The following ANO4 variants were observed in gnomAD, a reference collection of about 807,000 sequenced individuals.
ANO4 encodes anoctamin-4.
Under a neutral mutation model 141.9 loss-of-function variants are expected in ANO4, and 69 were observed. The ratio of observed to expected loss-of-function variants is 0.49; its 90% confidence interval spans 0.40 to 0.59. The LOEUF (loss-of-function observed/expected upper bound fraction) is 0.59. ANO4 is among the 20% of genes least tolerant of loss of function. The pLI is 0.00. For missense variants in ANO4, 894 were observed against 1,162.2 expected (o/e 0.77, Z 3.36); for synonymous variants, 350 against 394.3 (o/e 0.89, Z 1.33).
At chr12:101,093,209 T>G (rs547026282) in intron 17 of ANO4, among the ~76,000 whole-genome samples, 1 of 152,338 alleles carries the variant, frequency 6.6e-6, no homozygotes, top group South Asian at 2.1e-4. Context: ...GCTGAAAGTT[T>G]GGAGTCATAC....
At chr12:101,003,923 T>G (rs2045761448) in intron 8 of ANO4, among the ~76,000 whole-genome samples, 1 of 152,098 alleles carries the variant, frequency 6.6e-6, no homozygotes, top group South Asian at 2.1e-4. Flanking sequence ...CACTTGAAAC[T>G]GGAATATTTG....
chr12:100,718,664 T>A (rs1593222185), intron 1 of ANO4, among the ~76,000 whole-genome samples: 1 of 152,212 alleles, frequency 6.6e-6, no homozygotes, highest in East Asian at 1.9e-4. Flanking sequence ...TGGGAACCAG[T>A]AACAAATTGT....
intron 14 of ANO4, among the ~76,000 whole-genome samples, chr12:101,048,629 T>C (rs1479130640): frequency 6.6e-6 from 1 of 152,212 alleles, no homozygotes; most frequent in East Asian, 1.9e-4. Context: ...TAGCACTCTG[T>C]TATTAGAGTA....
intron 17 of ANO4, among the ~76,000 whole-genome samples, chr12:101,087,583 G>A (rs750257168): frequency 1.8e-4 from 28 of 152,032 alleles, no homozygotes; most frequent in Non-Finnish European, 3.2e-4. Context: ...CAAGGAAACC[G>A]CCAAGCTGGT....
chr12:101,086,900 G>A (rs1258444976), intron 17 of ANO4, 76 bp downstream of exon 17: 85 of 1,532,066 alleles, frequency 5.5e-5, no homozygotes, highest in Non-Finnish European at 7.0e-5. Flanking sequence ...CTGTTGCTAA[G>A]GGGATCTGGC....
chr12:101,097,520 T>C (rs899588548), intron 19 of ANO4, 131 bp from the exon 20 acceptor site: 1 of 845,984 alleles, frequency 1.2e-6, no homozygotes, highest in Non-Finnish European at 1.9e-6. Context: ...CTGGAGGGTT[T>C]CCTAATTCCC....
intron 1 of ANO4, among the ~76,000 whole-genome samples, chr12:100,828,512 A>G (rs1207663616): frequency 1.3e-5 from 2 of 152,070 alleles, no homozygotes; most frequent in African/African-American, 2.4e-5. Context: ...CAAAATGACT[A>G]GTATTTACAC....
chr12:101,046,091 G>A (rs916684038), intron 13 of ANO4, among the ~76,000 whole-genome samples: 5 of 152,256 alleles, frequency 3.3e-5, no homozygotes, highest in African/African-American at 7.2e-5. Context: ...AGAGGACAGC[G>A]TGCCCCAGGC....
chr12:100,951,989 G>C (rs1034188998), intron 5 of ANO4, among the ~76,000 whole-genome samples: 1 of 152,120 alleles, frequency 6.6e-6, no homozygotes, highest in Non-Finnish European at 1.5e-5. Flanking sequence ...CACATGTCCT[G>C]GTGTGGGGGG....
intron 2 of ANO4, among the ~76,000 whole-genome samples, chr12:100,906,144 A>G (rs1380291579): frequency 6.6e-6 from 1 of 152,226 alleles, no homozygotes; most frequent in African/African-American, 2.4e-5. Context: ...ACATGAGTAA[A>G]GACATACAGT....
At chr12:100,915,367 G>A (rs1437714714) in intron 2 of ANO4, among the ~76,000 whole-genome samples, 1 of 152,070 alleles carries the variant, frequency 6.6e-6, no homozygotes, top group African/African-American at 2.4e-5. Context: ...CTCAGGACAG[G>A]AACTACCAAA....
chr12:101,047,488 G>A (rs909104583), intron 13 of ANO4, among the ~76,000 whole-genome samples: 1 of 151,964 alleles, frequency 6.6e-6, no homozygotes, highest in South Asian at 2.1e-4. Flanking sequence ...AATACTTCAC[G>A]TTCTGATATA....
intron 1 of ANO4, among the ~76,000 whole-genome samples, chr12:100,890,768 C>CA: frequency 6.6e-6 from 1 of 152,290 alleles, no homozygotes; most frequent in South Asian, 2.1e-4. Flanking sequence ...ACAATTATTA[C>CA]AATTGATGAA....
rs1169940617 is a variant in ANO4, at chr12:100,794,825, G to C, written c.-343G>C. On this transcript the variant is annotated 5_prime_UTR_variant, in exon 1 of 28. Transcript: ENST00000392977. ...GAGAGTCCTGTTCCAGACTTCTCAGGGTTTTTACAGCACAAACAACTGCAT... is the reference window on the plus strand; with the variant it reads ...GAGAGTCCTGTTCCAGACTTCTCAGCGTTTTTACAGCACAAACAACTGCAT... 1.3e-5 allele frequency: 2 copies of C among 152,328 alleles called. No individual in the cohort carries two copies. The highest frequency in any genetic ancestry group is 2.9e-5 in the Non-Finnish European group (2 of 68,074). The allele number at this position is 152,328 out of a possible 1,614,324, so 9.4% of individuals were successfully genotyped here.
chr12:100,856,775 T>C (rs778269669), intron 1 of ANO4, among the ~76,000 whole-genome samples: 9 of 152,054 alleles, frequency 5.9e-5, no homozygotes, highest in African/African-American at 1.9e-4. Context: ...CTTCGCATTG[T>C]GGAAGAATCA....
chr12:100,803,983 T>C (rs1459409600), intron 1 of ANO4, among the ~76,000 whole-genome samples: 1 of 152,026 alleles, frequency 6.6e-6, no homozygotes, highest in African/African-American at 2.4e-5. Context: ...TCTGCGGTAA[T>C]GTGCAGGATG....
At chr12:100,826,459 G>A (rs1246165255) in intron 1 of ANO4, among the ~76,000 whole-genome samples, 1 of 151,980 alleles carries the variant, frequency 6.6e-6, no homozygotes, top group East Asian at 1.9e-4. Flanking sequence ...CGTATTCATG[G>A]ATGTATTATT....
At chr12:100,941,786 C>G (rs923983792) in intron 4 of ANO4, among the ~76,000 whole-genome samples, 4 of 151,946 alleles carry the variant, frequency 2.6e-5, no homozygotes. Context: ...TCACTCTCAT[C>G]TCACCTGCAG....
chr12:100,904,078 AG>A (rs1043384058), intron 2 of ANO4, among the ~76,000 whole-genome samples: 1 of 152,186 alleles, frequency 6.6e-6, no homozygotes, highest in Admixed American at 6.5e-5. Context: ...AAGGTCTTTA[AG>A]GGCAGGGATT....
Sources: allele counts gnomAD v4.1 joint callset (sites outside exome capture counted in the v4.1 genomes callset), GRCh38; gene constraint gnomAD v4.1.1; transcripts MANE v1.5; gene names NCBI Gene and HGNC (gene_info 2026-07-23, HGNC 2026-07-21).